PRR5L: variants seen among roughly 807,000 people sequenced by gnomAD.
The protein encoded by PRR5L is proline rich 5 like.
A neutral mutation model predicts 36.4 loss-of-function variants in PRR5L; 21 were observed. The ratio of observed to expected loss-of-function variants is 0.58; its 90% CI spans 0.41 to 0.83. PRR5L has a LOEUF of 0.83. Ranked by LOEUF, PRR5L falls within the 40% of genes least tolerant of loss-of-function variation. The probability of loss-of-function intolerance (pLI) is 0.00; values close to 1 mark genes in which losing one functional copy is unlikely to be tolerated. For synonymous variants in PRR5L, 188 were observed against 197.0 expected, an observed-to-expected ratio of 0.95 and a Z score of 0.38; for missense variants, 381 against 473.3, an observed-to-expected ratio of 0.80 and a Z score of 1.81.
intron 8 of PRR5L, 93 bp from the exon 9 acceptor site, chr11:36,462,249 A>G: frequency 1.6e-6 from 2 of 1,283,398 alleles, no homozygotes; most frequent in Non-Finnish European, 1.0e-6. Flanking sequence ...CTAAAGGTTG[A>G]GCACCTTGTT....
intron 1 of PRR5L, among the ~76,000 whole-genome samples, chr11:36,301,418 C>T (rs1333026191): frequency 6.6e-6 from 1 of 152,096 alleles, no homozygotes; most frequent in Non-Finnish European, 1.5e-5. Flanking sequence ...GAACCGAAGC[C>T]CTGGCTGAGA....
intron 3 of PRR5L, among the ~76,000 whole-genome samples, chr11:36,415,465 C>T (rs1858121484): frequency 6.6e-6 from 1 of 152,216 alleles, no homozygotes; most frequent in Non-Finnish European, 1.5e-5. Context: ...ATCTGTGGGC[C>T]AGGCACAGTG....
intron 1 of PRR5L, among the ~76,000 whole-genome samples, chr11:36,308,883 C>T (rs1856464922): frequency 6.6e-6 from 1 of 152,218 alleles, no homozygotes; most frequent in African/African-American, 2.4e-5. Context: ...TCTCCCTGTG[C>T]TCCAGAATTA....
intron 1 of PRR5L, chr11:36,329,333 C>T (rs141228238): frequency 6.6e-6 from 1 of 152,232 alleles, no homozygotes; most frequent in Non-Finnish European, 1.5e-5. Context: ...ACTTCCAGAG[C>T]TTCGGGAAAA....
intron 1 of PRR5L, among the ~76,000 whole-genome samples, chr11:36,392,820 G>A (rs1857589853): frequency 6.6e-6 from 1 of 152,130 alleles, no homozygotes; most frequent in African/African-American, 2.4e-5. Flanking sequence ...CAGCATGGAG[G>A]AAACTGCCTC....
chr11:36,371,665 G>A (rs982065775), intron 1 of PRR5L, among the ~76,000 whole-genome samples: 1 of 152,224 alleles, frequency 6.6e-6, no homozygotes, highest in Middle Eastern at 3.2e-3. Flanking sequence ...CATAGTATGA[G>A]ACACTAGGGT....
intron 1 of PRR5L, among the ~76,000 whole-genome samples, chr11:36,370,890 A>AAAAAAAG (rs1236157014): frequency 6.6e-6 from 1 of 151,350 alleles, no homozygotes; most frequent in African/African-American, 2.4e-5. Context: ...CAAAAAAAAA[A>AAAAAAAG]ACAAACAAAA....
rs573809488 is a variant in PRR5L at position 36,307,286 on chromosome 11, C to A, written c.-126+10848C>A. Among the ~76,000 whole-genome samples, 7 of 152,178 alleles carry A rather than the reference C, an allele frequency of 4.6e-5. No individual in the cohort carries two copies. In the East Asian group the frequency reaches 1.4e-3, roughly 29 times the overall value. ...CAATTCCATGACAGAGGTACTGGCGCAAAAATGAAGTTAAGGAAATTAAGC... is the reference window on the plus strand; with the variant it reads ...CAATTCCATGACAGAGGTACTGGCGAAAAAATGAAGTTAAGGAAATTAAGC... On this transcript the variant is annotated intron_variant, in intron 1 of 8. Coordinates refer to ENST00000530639, the MANE Select transcript of PRR5L (RefSeq NM_001160167.2).
At chr11:36,334,549 T>C (rs1166002968) in intron 1 of PRR5L, among the ~76,000 whole-genome samples, 1 of 152,238 alleles carries the variant, frequency 6.6e-6, no homozygotes, top group Non-Finnish European at 1.5e-5. Flanking sequence ...TTCAATTTGC[T>C]TGTAACCCTT....
intron 8 of PRR5L, among the ~76,000 whole-genome samples, chr11:36,452,561 A>G (rs1368218424): frequency 6.6e-6 from 1 of 152,156 alleles, no homozygotes; most frequent in Non-Finnish European, 1.5e-5. Context: ...AGGAGCTGGA[A>G]TGGGCCAGAG....
intron 1 of PRR5L, among the ~76,000 whole-genome samples, chr11:36,350,930 TTATATATTTATATATATATATTTA>T (rs1158057682): frequency 0.058 from 1,985 of 34,058 alleles, 197 homozygotes; most frequent in East Asian, 0.32. Context: ...TTATATATAT[TTATATATTTATATATATATATTTA>T]TATATATTTA....
At chr11:36,426,740 G>GT (rs1430741583) in intron 4 of PRR5L, among the ~76,000 whole-genome samples, 3 of 152,230 alleles carry the variant, frequency 2.0e-5, no homozygotes, top group African/African-American at 7.2e-5. Flanking sequence ...CTGACACTGA[G>GT]TAAAAACCAA....
intron 1 of PRR5L, among the ~76,000 whole-genome samples, chr11:36,380,265 A>G (rs888852463): frequency 6.6e-6 from 1 of 152,214 alleles, no homozygotes; most frequent in Non-Finnish European, 1.5e-5. Flanking sequence ...TTGTGAATAT[A>G]GAGAATTACT....
intron 1 of PRR5L, among the ~76,000 whole-genome samples, chr11:36,395,258 C>T (rs1857634866): frequency 6.6e-6 from 1 of 152,126 alleles, no homozygotes; most frequent in Non-Finnish European, 1.5e-5. Flanking sequence ...GTCAAGCTAC[C>T]ATTAAACATA....
At chr11:36,438,330 T>A (rs912733981) in intron 6 of PRR5L, among the ~76,000 whole-genome samples, 1 of 152,024 alleles carries the variant, frequency 6.6e-6, no homozygotes, top group Non-Finnish European at 1.5e-5. Flanking sequence ...ATTGTTGAAG[T>A]GTGGGCGTCG....
intron 6 of PRR5L, among the ~76,000 whole-genome samples, chr11:36,445,131 G>C (rs1337509849): frequency 6.6e-6 from 1 of 152,180 alleles, no homozygotes; most frequent in Non-Finnish European, 1.5e-5. Context: ...AGGGGATATG[G>C]AGATAGCAAA....
intron 1 of PRR5L, among the ~76,000 whole-genome samples, chr11:36,379,691 G>C (rs769099306): frequency 6.6e-6 from 1 of 152,218 alleles, no homozygotes; most frequent in East Asian, 1.9e-4. Flanking sequence ...TGTTTTACAA[G>C]AGAAGATTTC....
At chr11:36,343,354 C>T (rs183939734) in intron 1 of PRR5L, among the ~76,000 whole-genome samples, 8 of 152,276 alleles carry the variant, frequency 5.3e-5, no homozygotes, top group East Asian at 1.9e-4. Flanking sequence ...GTATATAAGA[C>T]GCCTTGACCT....
At chr11:36,305,543 A>G (rs753430468) in intron 1 of PRR5L, among the ~76,000 whole-genome samples, 3 of 152,190 alleles carry the variant, frequency 2.0e-5, no homozygotes, top group Middle Eastern at 3.2e-3. Context: ...GGTAGGTTCT[A>G]TGGTCTGAAT....
Sources: gnomAD v4.1 joint callset for allele counts (sites outside exome capture counted in the v4.1 genomes callset) on GRCh38, gnomAD v4.1.1 for gene constraint, MANE v1.5 for transcripts, NCBI Gene and HGNC (gene_info 2026-07-23, HGNC 2026-07-21) for gene names.